The following FLT4 variants were observed in gnomAD, a reference collection of about 807,000 sequenced individuals.
FLT4 encodes the protein vascular endothelial growth factor receptor 3.
A neutral mutation model predicts 163.2 loss-of-function variants in FLT4; 30 were observed. The ratio of observed to expected loss-of-function variants is 0.18; its 90% CI spans 0.14 to 0.25. The LOEUF (loss-of-function observed/expected upper bound fraction) is 0.25, where lower values mean the gene tolerates loss of function less well. FLT4 is among the 10% of genes least tolerant of loss of function. FLT4 has a pLI of 1.00. For missense variants in FLT4, 1,510 were observed against 1,863.8 expected, an observed-to-expected ratio of 0.81 and a Z score of 3.50; for synonymous variants, 884 against 789.5, an observed-to-expected ratio of 1.12 and a Z score of -2.01.
At chr5:180,606,916 C>CAAA (rs146958861) in intron 29 of FLT4, among the ~76,000 whole-genome samples, 10,800 of 138,896 alleles carry the variant, frequency 0.078, 585 homozygotes, top group African/African-American at 0.14. Context: ...AAAAAAAAAA[C>CAAA]AAACAAACAA....
rs978988139 is a variant in FLT4, at chr5:180,602,183, T to G, written c.*1009A>C. 3 of 235,174 alleles carry G rather than the reference T, an allele frequency of 1.3e-5. No individual in the cohort carries two copies. The highest frequency in any genetic ancestry group is 6.6e-5 in the African/African-American group (3 of 45,396). 14.6% of individuals were successfully genotyped at this position (235,174 alleles called of 1,614,324 possible). On this transcript the variant is annotated 3_prime_UTR_variant, in exon 30 of 30. Transcript: ENST00000261937. ...CACAGGGCAATGCTGGGTGGTCCTT[T>G]GTGCCAGCCCCGAGCCTTCCTGAGT... is the stretch of plus-strand genomic sequence containing the variant.
chr5:180,645,336 G>A (rs754028775), intron 1 of FLT4, among the ~76,000 whole-genome samples: 2 of 152,240 alleles, frequency 1.3e-5, no homozygotes, highest in African/African-American at 4.8e-5. Context: ...GCACACGGCC[G>A]CCGTGGGGCA....
chr5:180,642,200 C>T (rs1460099926), intron 1 of FLT4, among the ~76,000 whole-genome samples: 2 of 145,706 alleles, frequency 1.4e-5, no homozygotes, highest in African/African-American at 5.1e-5. Flanking sequence ...GAGTGAGACT[C>T]TGTGTGAAAA....
At position 180,629,863 on chromosome 5, in the gene FLT4, C is replaced by T. The variant is rs56361806; in HGVS notation, c.677-28G>A. 57,842 of 1,612,426 alleles carry T rather than the reference C, an allele frequency of 0.036. 1,161 individuals are homozygous for T. The highest frequency in any genetic ancestry group is 0.066 in the African/African-American group (4,989 of 75,026). ...GTTGACACGCACACAGTGACTCCCA[C>T]GCCCTCACAGGACGACACCCACTGA... On this transcript the variant is annotated intron_variant, in intron 5 of 29. Coordinates refer to ENST00000261937, the MANE Select transcript of FLT4 (RefSeq NM_182925.5).
At chr5:180,642,010 C>T (rs561807220) in intron 1 of FLT4, among the ~76,000 whole-genome samples, 1 of 152,064 alleles carries the variant, frequency 6.6e-6, no homozygotes, top group Non-Finnish European at 1.5e-5. Context: ...AGATTGAGAC[C>T]ATCCTGGCCA....
intron 1 of FLT4, among the ~76,000 whole-genome samples, chr5:180,645,085 G>A (rs1480216754): frequency 6.6e-6 from 1 of 152,236 alleles, no homozygotes; most frequent in Non-Finnish European, 1.5e-5. Context: ...CAGCAGGAAG[G>A]GCCGGTACCA....
rs199915118 is a variant in FLT4, at chr5:180,625,981, G to A, written c.1309C>T (p.Arg437Cys). The change falls in exon 10 of 30, where the codon CGT becomes TGT. Residue 437 changes from arginine to cysteine, a missense_variant. By Grantham distance (180) the Arg-to-Cys change is radical. Transcript: ENST00000261937. Reference protein sequence around the residue: ...KEASSPSIYSRHSRQALTCTA... With the variant: ...KEASSPSIYSCHSRQALTCTA... The stretch of plus-strand genomic sequence containing the variant: ...CAGGTGAGGGCCTGGCGGCTGTGAC[G>A]CGAGTAGATGCTGGGGGAGGAGGCC... The A allele has an allele frequency of 1.9e-5, 31 of 1,612,652 alleles. No homozygotes were observed. The highest frequency in any genetic ancestry group is 4.0e-5 in the African/African-American group (3 of 74,924).
chr5:180,643,915 A>G (rs1163769135), intron 1 of FLT4, among the ~76,000 whole-genome samples: 2 of 150,192 alleles, frequency 1.3e-5, no homozygotes, highest in South Asian at 2.1e-4. Flanking sequence ...TCCGCCTCCC[A>G]GTTTCAAACA....
Position 180,629,402 on chromosome 5 carries a change from T to C in FLT4, c.842A>G (p.Glu281Gly). 6.2e-7 allele frequency: 1 copy of C among 1,611,640 alleles called. No individual in the cohort carries two copies. The highest frequency in any genetic ancestry group is 8.5e-7 in the Non-Finnish European group (1 of 1,179,958). The change falls in exon 7 of 30, where the codon GAG (glutamate) becomes GGG (glycine). Residue 281 changes from glutamate (E) to glycine (G), a missense_variant. Glu to Gly is a moderately conservative substitution (Grantham distance 98). Transcript: ENST00000261937. The part of the protein sequence containing the change: ...KQAERGKWVP[E>G]RRSQQTHTEL... ...TGTGTGGGTCTGCTGGGAGCGTCGCTCGGGCACCCACTTACCCCGCTCTGC... is the reference window on the plus strand; with the variant it reads ...TGTGTGGGTCTGCTGGGAGCGTCGCCCGGGCACCCACTTACCCCGCTCTGC...
At chr5:180,619,495 A>G (rs781477044) in intron 18 of FLT4, 129 bp from the exon 19 acceptor site, 6 of 700,220 alleles carry the variant, frequency 8.6e-6, no homozygotes, top group Non-Finnish European at 1.4e-5. Flanking sequence ...ACTGAGGCAG[A>G]GGGGGTTCGG....
chr5:180,619,974 G>T (rs1445845348), intron 17 of FLT4, among the ~76,000 whole-genome samples, 199 bp downstream of exon 17: 1 of 152,190 alleles, frequency 6.6e-6, no homozygotes, highest in Non-Finnish European at 1.5e-5. Context: ...CCCTGCTCAG[G>T]GTGGCAGCAG....
chr5:180,614,324 A>ACG (rs1554110187), intron 23 of FLT4, 145 bp from the exon 24 acceptor site: 101 of 606,152 alleles, frequency 1.7e-4, no homozygotes, highest in Middle Eastern at 8.6e-4. Context: ...GGATGGGAAG[A>ACG]GAGGGCTGAG....
In FLT4 at chr5:180,622,021, GCTGGACTGCTTGCC is replaced by G; in HGVS notation, c.1658-131_1658-118del. 20 of 1,261,582 alleles carry G rather than the reference GCTGGACTGCTTGCC, an allele frequency of 1.6e-5. No homozygotes were observed. In the South Asian group the frequency reaches 2.7e-4, roughly 17 times the overall value. 78.1% of individuals were successfully genotyped at this position (1,261,582 alleles called of 1,614,324 possible). A position where few individuals can be genotyped will look rare whatever the true frequency, so the allele number is the denominator to read the frequency against. On this transcript the variant is annotated intron_variant, in intron 12 of 29. Transcript: ENST00000261937. Reference sequence around the variant, plus strand: ...CTCCCTCTCTCCTGGAGGGGCCCCAGCTGGACTGCTTGCCCCCCGCCCCACCAAAAGCCCAGGTC... The same window carrying G: ...CTCCCTCTCTCCTGGAGGGGCCCCAGCCCCGCCCCACCAAAAGCCCAGGTC...
chr5:180,641,238 G>A (rs1035541119), intron 1 of FLT4, among the ~76,000 whole-genome samples: 17 of 152,170 alleles, frequency 1.1e-4, no homozygotes, highest in African/African-American at 3.9e-4. Context: ...TGGAGGGTCC[G>A]AGTCATCAAG....
chr5:180,621,687 C>T lies in FLT4; in HGVS notation c.1875G>A (p.Glu625=), dbSNP rs1285713939. The change falls in exon 13 of 30, where the codon GAG becomes GAA. Residue 625 remains glutamate (E), a synonymous_variant. Transcript: ENST00000261937. ...CGTGGCGCGCCCCAGGTGCCACCTC[C>T]TCCAGGCTGGCGGCCAGAGGGGTGG... is the stretch of plus-strand genomic sequence containing the variant. ...LFATPLAASL[E]EVAPGARHAT... is the part of the protein sequence containing the mutation. 2 of 1,612,448 alleles carry T rather than the reference C, an allele frequency of 1.2e-6. No individual in the cohort carries two copies. The highest frequency in any genetic ancestry group is 2.2e-5 in the South Asian group (2 of 91,050).
In FLT4 at chr5:180,626,081, C is replaced by T. The variant is rs747179663; in HGVS notation, c.1258+30G>A. On this transcript the variant is annotated intron_variant, in intron 9 of 29. Transcript: ENST00000261937. ...AGCTGGCCTCCAATGCCAGGCCGCCCACCCGTGCGCTCTCCCGTCCCTGAC... is the reference window on the plus strand; with the variant it reads ...AGCTGGCCTCCAATGCCAGGCCGCCTACCCGTGCGCTCTCCCGTCCCTGAC... 2.5e-6 allele frequency: 4 copies of T among 1,612,742 alleles called. No homozygotes were observed. The East Asian group carries it at 8.9e-5, about 36-fold the overall frequency.
rs1168069198 is a variant in FLT4 at position 180,603,016 on chromosome 5, C to T, written c.*176G>A. The T allele has an allele frequency of 9.0e-6, 6 of 664,552 alleles. No homozygotes were observed. The highest frequency in any genetic ancestry group is 1.6e-5 in the Non-Finnish European group (6 of 382,110). The allele number at this position is 664,552 out of a possible 1,614,324, so 41.2% of individuals were successfully genotyped here. ...CTGGCCAGTCGTGGTGACGGAATTC[C>T]GGGAGCCTTGGGCCTGGAGTCCTGC... On this transcript the variant is annotated 3_prime_UTR_variant, in exon 30 of 30. Transcript: ENST00000261937.
intron 29 of FLT4, 39 bp downstream of exon 29, chr5:180,608,929 A>G (rs1042510920): frequency 3.9e-6 from 6 of 1,543,248 alleles, no homozygotes; most frequent in Non-Finnish European, 5.4e-6. Context: ...GGAGGGCAAC[A>G]TCGATACCTG....
Position 180,618,894 on chromosome 5 carries a change from G to C in FLT4, c.2877C>G (p.Arg959=). 6.3e-7 allele frequency: 1 copy of C among 1,587,336 alleles called. No homozygotes were observed. Among genetic ancestry groups the C allele is most frequent in the Non-Finnish European group, 8.6e-7 (1 of 1,167,670 alleles). ...CAEKSPEQRG[R]FRAMVELARL... ...TGGCGAGCTCCACCATGGCGCGGAA[G>C]CGTCCGCGCTGCTCGGGAGACTTCT... Residue 959 remains arginine, a synonymous_variant, in exon 21 of 30, where the codon CGC becomes CGG. Transcript: ENST00000261937.
Sources: gnomAD v4.1 joint callset for allele counts (sites outside exome capture counted in the v4.1 genomes callset) on GRCh38, gnomAD v4.1.1 for gene constraint, MANE v1.5 for transcripts, NCBI Gene and HGNC (gene_info 2026-07-23, HGNC 2026-07-21) for gene names.